The following NOL4 variants were observed in gnomAD, a reference collection of about 807,000 sequenced individuals.
NOL4 encodes the protein cancer/testis antigen 125.
Under a neutral mutation model 75.9 loss-of-function variants are expected in NOL4, and 17 were observed. The ratio of observed to expected loss-of-function variants is 0.22; its 90% confidence interval spans 0.15 to 0.34. The LOEUF is 0.34. Ranked by LOEUF, NOL4 falls within the 10% of genes least tolerant of loss-of-function variation. The pLI is 1.00. For synonymous variants in NOL4, 292 were observed against 289.9 expected, an observed-to-expected ratio of 1.01 and a Z score of -0.07; for missense variants, 614 against 793.5, an observed-to-expected ratio of 0.77 and a Z score of 2.72.
intron 1 of NOL4, among the ~76,000 whole-genome samples, chr18:34,134,653 T>C (rs1027761193): frequency 1.3e-5 from 2 of 151,930 alleles, no homozygotes; most frequent in Non-Finnish European, 2.9e-5. Context: ...AAAAAACTAA[T>C]AGACATACAT....
chr18:33,883,652 T>C (rs774472524), intron 9 of NOL4, among the ~76,000 whole-genome samples: 2 of 152,076 alleles, frequency 1.3e-5, no homozygotes, highest in African/African-American at 2.4e-5. Flanking sequence ...CAGTTTTCAA[T>C]TGAATATAAA....
chr18:34,212,712 C>T lies in NOL4; in HGVS notation c.264+10278G>A, dbSNP rs571418866. The stretch of plus-strand genomic sequence containing the variant: ...CTCAGGCTGTTGGCAGAATTCATTC[C>T]CTTGTGGTTGTAGAACTACAGTCCC... On this transcript the variant is annotated intron_variant, in intron 1 of 10. Transcript: ENST00000261592. 8.5e-5 allele frequency among the ~76,000 whole-genome samples: 13 copies of T among 152,268 alleles called. No individual in the cohort carries two copies. In the South Asian group the frequency reaches 2.5e-3, roughly 29 times the overall value.
chr18:34,196,217 G>A (rs867070162), intron 1 of NOL4, among the ~76,000 whole-genome samples: 9 of 152,114 alleles, frequency 5.9e-5, no homozygotes, highest in South Asian at 2.1e-4. Flanking sequence ...TCAAGTTCAA[G>A]AAGAGGAGCT....
chr18:33,935,088 C>T (rs1344634962), intron 9 of NOL4, among the ~76,000 whole-genome samples: 1 of 152,014 alleles, frequency 6.6e-6, no homozygotes, highest in Non-Finnish European at 1.5e-5. Flanking sequence ...TGGTCTGGAA[C>T]TTCTGGGCTC....
intron 6 of NOL4, among the ~76,000 whole-genome samples, chr18:33,958,630 C>T (rs560781143): frequency 1.3e-5 from 2 of 152,190 alleles, no homozygotes; most frequent in African/African-American, 2.4e-5. Flanking sequence ...ATTGCAAGTA[C>T]TTGTTAGCTG....
At chr18:33,990,006 G>A (rs369118495) in intron 6 of NOL4, among the ~76,000 whole-genome samples, 9 of 152,192 alleles carry the variant, frequency 5.9e-5, no homozygotes, top group African/African-American at 2.2e-4. Context: ...AGGCTGAGGT[G>A]TAGTAGCAGA....
intron 5 of NOL4, among the ~76,000 whole-genome samples, chr18:34,040,238 T>C (rs2076082762): frequency 6.6e-6 from 1 of 151,932 alleles, no homozygotes; most frequent in South Asian, 2.1e-4. Context: ...GGGGGCACAG[T>C]AGATTGGGAG....
At chr18:34,158,589 G>A (rs2030877598) in intron 1 of NOL4, 1 of 152,146 alleles carries the variant, frequency 6.6e-6, no homozygotes, top group African/African-American at 2.4e-5. Flanking sequence ...TACGTACTAT[G>A]TATCCCAGAT....
rs565667335 is a variant in NOL4, at chr18:34,204,036, T to C, written c.264+18954A>G. ...GTGTATACCTCTCCTCATTATTTCC[T>C]GGCCTCACCTGAAGCCACCCTGTAG... On this transcript the variant is annotated intron_variant, in intron 1 of 10. Coordinates refer to ENST00000261592, the MANE Select transcript of NOL4 (RefSeq NM_003787.5). Among the ~76,000 whole-genome samples, 7 of 152,184 alleles carry C rather than the reference T, an allele frequency of 4.6e-5. No individual in the cohort carries two copies. In the South Asian group the frequency reaches 1.5e-3, roughly 32 times the overall value.
chr18:34,120,733 G>A (rs1378243902), intron 2 of NOL4, among the ~76,000 whole-genome samples: 2 of 152,070 alleles, frequency 1.3e-5, no homozygotes, highest in Non-Finnish European at 2.9e-5. Flanking sequence ...CCAAAGATAG[G>A]GAAATGGTAC....
intron 1 of NOL4, among the ~76,000 whole-genome samples, chr18:34,130,309 C>T (rs1010192009): frequency 1.4e-4 from 22 of 151,856 alleles, no homozygotes; most frequent in Admixed American, 9.9e-4. Flanking sequence ...GCCATCAGTA[C>T]GATTTTCTTA....
chr18:34,220,663 C>T (rs1313779682), intron 1 of NOL4, among the ~76,000 whole-genome samples: 1 of 151,914 alleles, frequency 6.6e-6, no homozygotes, highest in Non-Finnish European at 1.5e-5. Context: ...AAGGAGGAGC[C>T]TATAATTCTA....
At chr18:33,999,109 C>T (rs902957830) in intron 6 of NOL4, among the ~76,000 whole-genome samples, 1 of 151,328 alleles carries the variant, frequency 6.6e-6, no homozygotes, top group Non-Finnish European at 1.5e-5. Flanking sequence ...GTGTATTGTC[C>T]CTCAACACTT....
chr18:33,957,382 G>A lies in NOL4; in HGVS notation c.1372C>T (p.Arg458Cys), dbSNP rs774328217. Residue 458 changes from arginine to cysteine, a missense_variant, in exon 8 of 11, where the codon CGT (arginine) becomes TGT (cysteine). Arg to Cys is a radical substitution (Grantham distance 180). Coordinates refer to ENST00000261592, the MANE Select transcript of NOL4 (RefSeq NM_003787.5). The part of the protein sequence containing the change: ...FPEYQERARK[R>C]IRTYLKSCRR... Reference sequence around the variant, plus strand: ...CAGGACTTGAGGTAAGTACGTATACGTTTTCTGGCACGCTCTTGATACTCA... The same window carrying A: ...CAGGACTTGAGGTAAGTACGTATACATTTTCTGGCACGCTCTTGATACTCA... 1.9e-6 allele frequency: 3 copies of A among 1,613,724 alleles called. No individual in the cohort carries two copies. The highest frequency in any genetic ancestry group is 1.1e-5 in the South Asian group (1 of 91,064).
In NOL4 at chr18:34,201,404, T is replaced by C. The variant is rs1258699203; in HGVS notation, c.264+21586A>G. On this transcript the variant is annotated intron_variant, in intron 1 of 10. Transcript: ENST00000261592. ...GAGCTGGAAATAAAACTAAGGCAGTTGCATGCCTTTAGAGTTCATGTTCTT... is the reference window on the plus strand; with the variant it reads ...GAGCTGGAAATAAAACTAAGGCAGTCGCATGCCTTTAGAGTTCATGTTCTT... Among the ~76,000 whole-genome samples, 5 of 151,894 alleles carry C rather than the reference T, an allele frequency of 3.3e-5. 1 individual carries two copies. The highest frequency in any genetic ancestry group is 3.9e-4 in the East Asian group (2 of 5,176).
chr18:34,143,752 C>T (rs71363430), intron 1 of NOL4, among the ~76,000 whole-genome samples: 33,331 of 150,998 alleles, frequency 0.22, 4,363 homozygotes, highest in East Asian at 0.44. Context: ...GTAATCCCAG[C>T]TACTCAGGAG....
chr18:33,907,625 C>T (rs1407818721), intron 9 of NOL4, among the ~76,000 whole-genome samples: 1 of 152,100 alleles, frequency 6.6e-6, no homozygotes, highest in Non-Finnish European at 1.5e-5. Flanking sequence ...CCGTTAGCTA[C>T]TACACAATCC....
At chr18:33,953,481 A>G (rs769087942) in intron 8 of NOL4, among the ~76,000 whole-genome samples, 14 of 150,542 alleles carry the variant, frequency 9.3e-5, no homozygotes, top group Non-Finnish European at 1.8e-4. Flanking sequence ...AAGAACACAT[A>G]AAATTGGAAA....
intron 1 of NOL4, among the ~76,000 whole-genome samples, chr18:34,189,391 T>G (rs1333194765): frequency 6.6e-6 from 1 of 152,186 alleles, no homozygotes; most frequent in South Asian, 2.1e-4. Flanking sequence ...GCCCCACCTC[T>G]GAACACTGCC....
Sources: allele counts gnomAD v4.1 joint callset (sites outside exome capture counted in the v4.1 genomes callset), GRCh38; gene constraint gnomAD v4.1.1; transcripts MANE v1.5; gene names NCBI Gene and HGNC (gene_info 2026-07-23, HGNC 2026-07-21).